Variants in SMAP1 observed in about 807,000 individuals in gnomAD.
SMAP1 encodes the protein stromal membrane-associated protein 1.
Under a neutral mutation model 58.5 loss-of-function variants are expected in SMAP1, and 24 were observed. That is an observed-to-expected ratio of 0.41 (90% CI 0.30 to 0.58). The LOEUF is 0.58. Ranked by LOEUF, SMAP1 falls within the 20% of genes least tolerant of loss-of-function variation. The probability of loss-of-function intolerance (pLI) is 0.29; values close to 1 mark genes in which losing one functional copy is unlikely to be tolerated. For synonymous variants in SMAP1, 216 were observed against 196.6 expected (o/e 1.10, Z -0.82); for missense variants, 563 against 566.3 (o/e 0.99, Z 0.06).
chr6:70,701,168 C>A (rs1273937219), intron 1 of SMAP1, among the ~76,000 whole-genome samples: 3 of 152,178 alleles, frequency 2.0e-5, no homozygotes, highest in Non-Finnish European at 4.4e-5. Context: ...GCTACCTCCA[C>A]CTCCTAGGCT....
rs144782377 is a variant in SMAP1 at position 70,765,166 on chromosome 6, T to C, written c.339-8184T>C. On this transcript the variant is annotated intron_variant, in intron 3 of 10. Coordinates refer to ENST00000370455, the MANE Select transcript of SMAP1 (RefSeq NM_001044305.3). ...TAATAAATGGAATGTTTAGATTTTA[T>C]GTCCAGCTTGCGTCCCTGGCCCACT... Among the ~76,000 whole-genome samples the C allele has an allele frequency of 1.8e-4, 27 of 152,368 alleles. No homozygotes were observed. In the East Asian group the frequency reaches 5.2e-3, roughly 29 times the overall value.
intron 1 of SMAP1, among the ~76,000 whole-genome samples, chr6:70,710,831 T>C (rs1267549079): frequency 6.6e-6 from 1 of 152,196 alleles, no homozygotes; most frequent in East Asian, 1.9e-4. Flanking sequence ...ATATCCTTAT[T>C]CTATAAGCTT....
chr6:70,780,274 T>G (rs1767709028), intron 4 of SMAP1, among the ~76,000 whole-genome samples: 1 of 152,182 alleles, frequency 6.6e-6, no homozygotes, highest in Non-Finnish European at 1.5e-5. Context: ...TGACAACAGT[T>G]TGCAGAAATT....
At chr6:70,785,217 G>A (rs1001818823) in intron 4 of SMAP1, among the ~76,000 whole-genome samples, 85 of 152,186 alleles carry the variant, frequency 5.6e-4, no homozygotes, top group Non-Finnish European at 8.1e-4. Context: ...GGTACATAAC[G>A]AAATGAAGGC....
At chr6:70,668,423 C>T in intron 1 of SMAP1, 2 of 1,168,392 alleles carry the variant, frequency 1.7e-6, no homozygotes, top group South Asian at 1.7e-5. Flanking sequence ...GATGCTCGGA[C>T]CCTCCACAGG....
At chr6:70,849,603 GAATA>G (rs560426419) in intron 7 of SMAP1, among the ~76,000 whole-genome samples, 428 of 152,154 alleles carry the variant, frequency 2.8e-3, no homozygotes, top group Non-Finnish European at 4.8e-3. Context: ...GTCACACATT[GAATA>G]AATAAATTAT....
intron 6 of SMAP1, among the ~76,000 whole-genome samples, chr6:70,833,897 AGT>A (rs554554019): frequency 1.2e-3 from 190 of 152,106 alleles, no homozygotes; most frequent in Non-Finnish European, 2.2e-3. Context: ...TTCTCGCCTT[AGT>A]GTTTCTCTTT....
intron 3 of SMAP1, among the ~76,000 whole-genome samples, chr6:70,767,102 C>G (rs1767023838): frequency 6.6e-6 from 1 of 152,058 alleles, no homozygotes; most frequent in Non-Finnish European, 1.5e-5. Context: ...TTCCATTGAT[C>G]TTTATCTCTG....
chr6:70,730,770 CAG>C (rs1259624137), intron 1 of SMAP1, among the ~76,000 whole-genome samples: 1 of 152,098 alleles, frequency 6.6e-6, no homozygotes, highest in Admixed American at 6.5e-5. Context: ...GTACTTAAAA[CAG>C]AAGGCTATGT....
intron 6 of SMAP1, among the ~76,000 whole-genome samples, chr6:70,800,018 CT>C (rs1353674524): frequency 6.6e-6 from 1 of 152,108 alleles, no homozygotes. Context: ...GGCCCAGTGC[CT>C]TTTCATGTCT....
chr6:70,771,820 C>A (rs1284230194), intron 3 of SMAP1, among the ~76,000 whole-genome samples: 1 of 152,202 alleles, frequency 6.6e-6, no homozygotes, highest in Non-Finnish European at 1.5e-5. Context: ...GATGGAAATG[C>A]AGAAATCACC....
chr6:70,758,414 A>C (rs962970487), intron 3 of SMAP1, among the ~76,000 whole-genome samples: 5 of 149,794 alleles, frequency 3.3e-5, no homozygotes, highest in African/African-American at 1.2e-4. Flanking sequence ...AGATATACCT[A>C]ATGCTAGATG....
intron 2 of SMAP1, among the ~76,000 whole-genome samples, chr6:70,741,821 TC>T (rs1190601139): frequency 7.9e-5 from 12 of 152,154 alleles, no homozygotes; most frequent in African/African-American, 1.2e-4. Context: ...TCCTCTGAAA[TC>T]TAGGCGGAGG....
At chr6:70,859,997 G>A in intron 10 of SMAP1, 1 of 480,128 alleles carries the variant, frequency 2.1e-6, no homozygotes, top group Non-Finnish European at 3.4e-6. Flanking sequence ...GTTAATCTTT[G>A]GGGAAACTGT....
At chr6:70,749,035 A>G (rs1007107778) in intron 2 of SMAP1, among the ~76,000 whole-genome samples, 2 of 152,198 alleles carry the variant, frequency 1.3e-5, no homozygotes, top group Admixed American at 1.3e-4. Flanking sequence ...TCACACTGCT[A>G]TAAAAATACC....
intron 7 of SMAP1, among the ~76,000 whole-genome samples, chr6:70,844,544 G>A (rs1363807085): frequency 6.6e-6 from 1 of 152,076 alleles, no homozygotes; most frequent in Non-Finnish European, 1.5e-5. Flanking sequence ...TACAGTAAGA[G>A]GATTAGGATT....
intron 8 of SMAP1, among the ~76,000 whole-genome samples, chr6:70,855,050 T>TCATATA (rs369822474): frequency 0.31 from 38,825 of 124,188 alleles, 6,478 homozygotes; most frequent in Middle Eastern, 0.39. Flanking sequence ...TCCTGTTCTT[T>TCATATA]CATATACATA....
chr6:70,732,285 A>G, intron 1 of SMAP1, 93 bp from the exon 2 acceptor site: 1 of 1,341,536 alleles, frequency 7.5e-7, no homozygotes, highest in Non-Finnish European at 1.0e-6. Context: ...TTCCATTATA[A>G]TTATATAAAA....
intron 1 of SMAP1, among the ~76,000 whole-genome samples, chr6:70,700,269 A>G (rs1011782424): frequency 1.3e-5 from 2 of 152,206 alleles, no homozygotes; most frequent in African/African-American, 4.8e-5. Flanking sequence ...TGCTGGTGCC[A>G]TAATTGTACA....
Sources: allele counts gnomAD v4.1 joint callset (sites outside exome capture counted in the v4.1 genomes callset), GRCh38; gene constraint gnomAD v4.1.1; transcripts MANE v1.5; gene names NCBI Gene and HGNC (gene_info 2026-07-23, HGNC 2026-07-21).